Variants in HTRA1 observed in about 807,000 individuals in gnomAD.
HTRA1 encodes HtrA serine peptidase 1.
Under a neutral mutation model 49.7 loss-of-function variants are expected in HTRA1, and 26 were observed. The observed-to-expected ratio is 0.52, with a 90% CI of 0.38 to 0.73. The LOEUF (loss-of-function observed/expected upper bound fraction) is 0.73. Among genes scored for constraint, HTRA1 ranks in the 30% least tolerant of loss-of-function variants. HTRA1 has a pLI of 0.00. For synonymous variants in HTRA1, 291 were observed against 286.9 expected (o/e 1.01, Z -0.14); for missense variants, 561 against 667.2 (o/e 0.84, Z 1.75).
chr10:122,477,120 A>G (rs1262068535), intron 1 of HTRA1, among the ~76,000 whole-genome samples: 7 of 151,920 alleles, frequency 4.6e-5, no homozygotes, highest in Non-Finnish European at 7.4e-5. Flanking sequence ...GGTGCCTGCC[A>G]CCATGCCTGG....
chr10:122,467,747 C>A (rs1408054166), intron 1 of HTRA1, among the ~76,000 whole-genome samples: 1 of 151,980 alleles, frequency 6.6e-6, no homozygotes, highest in Non-Finnish European at 1.5e-5. Flanking sequence ...GTCATTTCAT[C>A]TTTTCCTTCT....
rs1304753475 is a variant in HTRA1, at chr10:122,508,771, G to A, written c.1120+1G>A. ...GAGTCCCATGACCGACAGGCCAAAG[G>A]TAGGCAAGGCCCACACAGCCCTGGG... On this transcript the variant is annotated splice_donor_variant, in intron 6 of 8. Transcript: ENST00000368984. LOFTEE classifies it high-confidence loss of function. The A allele has an allele frequency of 1.3e-6, 2 of 1,581,768 alleles. No individual in the cohort carries two copies. The highest frequency in any genetic ancestry group is 1.7e-6 in the Non-Finnish European group (2 of 1,150,670).
rs1398431517 is a variant in HTRA1 at position 122,487,635 on chromosome 10, T to A, written c.473-1267T>A. 6.6e-6 allele frequency among the ~76,000 whole-genome samples: 1 copy of A among 152,188 alleles called. No individual in the cohort carries two copies. Among genetic ancestry groups the A allele is most frequent in the Non-Finnish European group, 1.5e-5 (1 of 68,032 alleles). On this transcript the variant is annotated intron_variant, in intron 1 of 8. Transcript: ENST00000368984. The surrounding 1 kb of genome is among the most constrained non-coding windows in gnomAD (Gnocchi z 4.8). ...ATCACTGAGCAACAGGGATACGTTC[T>A]GAGAAATGCGTCGTTAGGCGATTTC...
intron 1 of HTRA1, among the ~76,000 whole-genome samples, chr10:122,477,841 C>T (rs1271093569): frequency 3.3e-5 from 5 of 152,202 alleles, no homozygotes; most frequent in African/African-American, 1.2e-4. Flanking sequence ...CCTTAATTTC[C>T]AACCTCTGCA....
At chr10:122,472,615 G>C (rs928658760) in intron 1 of HTRA1, among the ~76,000 whole-genome samples, 7 of 152,022 alleles carry the variant, frequency 4.6e-5, no homozygotes, top group African/African-American at 1.4e-4. Flanking sequence ...GACTGGTCTC[G>C]AACTCCTGGC....
At chr10:122,512,165 T>C in intron 8 of HTRA1, 100 bp downstream of exon 8, 1 of 898,172 alleles carries the variant, frequency 1.1e-6, no homozygotes, top group South Asian at 1.3e-5. Context: ...CTCAGATGAT[T>C]ATGTTGATCC....
At chr10:122,495,095 C>T (rs544303851) in intron 3 of HTRA1, among the ~76,000 whole-genome samples, 5 of 152,224 alleles carry the variant, frequency 3.3e-5, no homozygotes, top group Admixed American at 6.5e-5. Flanking sequence ...CGTCCAAAAG[C>T]GAATCAGAGA....
chr10:122,485,345 T>C (rs1382607024), intron 1 of HTRA1, among the ~76,000 whole-genome samples: 1 of 152,278 alleles, frequency 6.6e-6, no homozygotes, highest in Non-Finnish European at 1.5e-5. Flanking sequence ...CCTTGTCATA[T>C]GGTCTGTGCT....
At position 122,477,112 on chromosome 10, in the gene HTRA1, T is replaced by C. The variant is rs916461866; in HGVS notation, c.473-11790T>C. Among the ~76,000 whole-genome samples, 17 of 151,836 alleles carry C rather than the reference T, an allele frequency of 1.1e-4. 1 individual carries two copies. The South Asian group carries it at 1.2e-3, about 11-fold the overall frequency. On this transcript the variant is annotated intron_variant, in intron 1 of 8. Coordinates refer to ENST00000368984, the MANE Select transcript of HTRA1 (RefSeq NM_002775.5). Reference sequence around the variant, plus strand: ...CCTCCCGAGTAGCTGGGACCACAGGTGCCTGCCACCATGCCTGGCTAATTT... The same window carrying C: ...CCTCCCGAGTAGCTGGGACCACAGGCGCCTGCCACCATGCCTGGCTAATTT...
intron 3 of HTRA1, among the ~76,000 whole-genome samples, chr10:122,503,210 C>T (rs953576663): frequency 6.6e-6 from 1 of 152,224 alleles, no homozygotes; most frequent in East Asian, 1.9e-4. Context: ...GCGCCTGTGG[C>T]TGTGCACTTC....
intron 1 of HTRA1, among the ~76,000 whole-genome samples, chr10:122,480,047 T>C (rs1215479158): frequency 6.6e-6 from 1 of 152,024 alleles, no homozygotes; most frequent in African/African-American, 2.4e-5. Flanking sequence ...GGGCATGATA[T>C]TTAGTGCTTT....
In HTRA1 at chr10:122,512,036, T is replaced by C; in HGVS notation, c.1245T>C (p.Ile415=). ...FPDVISGAYI[I]EVIPDTPAEA... is the part of the protein sequence containing the mutation. ...ACGTGATCTCAGGAGCGTATATAAT[T>C]GAAGTAATTCCTGATACCCCAGCAG... Residue 415 remains isoleucine (I), a synonymous_variant, in exon 8 of 9, where the codon ATT becomes ATC. Transcript: ENST00000368984. 1 of 1,613,504 alleles carries C rather than the reference T, an allele frequency of 6.2e-7. No homozygotes were observed. Among genetic ancestry groups the C allele is most frequent in the East Asian group, 2.2e-5 (1 of 44,866 alleles).
chr10:122,508,110 G>A (rs555856375), intron 5 of HTRA1, among the ~76,000 whole-genome samples: 35 of 152,302 alleles, frequency 2.3e-4, no homozygotes, highest in African/African-American at 8.2e-4. Flanking sequence ...GCACTCCTGG[G>A]AAGTGTGCAC....
At chr10:122,469,106 A>C (rs79519053) in intron 1 of HTRA1, among the ~76,000 whole-genome samples, 1,534 of 152,290 alleles carry the variant, frequency 0.01, 28 homozygotes, top group African/African-American at 0.035. Context: ...ATAATTTCCA[A>C]ATTGAACAAC....
At chr10:122,473,711 C>T (rs1413867487) in intron 1 of HTRA1, among the ~76,000 whole-genome samples, 1 of 152,134 alleles carries the variant, frequency 6.6e-6, no homozygotes, top group South Asian at 2.1e-4. Context: ...TAAAAAGAAA[C>T]CCCGTATCCA....
rs190181824 is a variant in HTRA1 at position 122,467,688 on chromosome 10, T to C, written c.472+5564T>C. Among the ~76,000 whole-genome samples the C allele has an allele frequency of 8.3e-4, 127 of 152,186 alleles. 1 individual carries two copies. In the East Asian group the frequency reaches 0.023, roughly 28 times the overall value. On this transcript the variant is annotated intron_variant, in intron 1 of 8. Coordinates refer to ENST00000368984, the MANE Select transcript of HTRA1 (RefSeq NM_002775.5). ...CACGAGACTCATACCCCTTGCTCCT[T>C]CCCTGGGGCTCCAAGGCCTTTGGGT...
rs2097483140 is a variant in HTRA1, at chr10:122,464,754, G to A, written c.472+2630G>A. Among the ~76,000 whole-genome samples the A allele has an allele frequency of 6.6e-6, 1 of 152,210 alleles. No individual in the cohort carries two copies. The highest frequency in any genetic ancestry group is 1.5e-5 in the Non-Finnish European group (1 of 68,042). ...CAGGCTCCAGGACTCAACAGCTGGTGCCCACGGGCAGGTCACTTGACGTCA... is the reference window on the plus strand; with the variant it reads ...CAGGCTCCAGGACTCAACAGCTGGTACCCACGGGCAGGTCACTTGACGTCA... On this transcript the variant is annotated intron_variant, in intron 1 of 8. Transcript: ENST00000368984. This position sits in a 1 kb window ranked among gnomAD's most constrained non-coding sequence, Gnocchi z 4.8.
Position 122,506,867 on chromosome 10 carries a change from G to A in HTRA1, c.954G>A (p.Gln318=), listed in dbSNP as rs1256071767. The A allele has an allele frequency of 6.2e-7, 1 of 1,613,554 alleles. No individual in the cohort carries two copies. The highest frequency in any genetic ancestry group is 8.5e-7 in the Non-Finnish European group (1 of 1,180,014). Reference sequence around the variant, plus strand: ...GCAACTCAGACATGGACTACATCCAGACCGACGCCATCATCAACGTGAGCC... The same window carrying A: ...GCAACTCAGACATGGACTACATCCAAACCGACGCCATCATCAACGTGAGCC... ...GLRNSDMDYI[Q]TDAIINYGNS... is the part of the protein sequence containing the mutation. The change falls in exon 4 of 9, where the codon CAG becomes CAA. Residue 318 remains glutamine (Q), a synonymous_variant. Transcript: ENST00000368984. The surrounding 1 kb of genome is among the most constrained non-coding windows in gnomAD (Gnocchi z 5.2).
At position 122,494,496 on chromosome 10, in the gene HTRA1, G is replaced by A. The variant is rs2097497597; in HGVS notation, c.777+4870G>A. 6.6e-6 allele frequency among the ~76,000 whole-genome samples: 1 copy of A among 152,246 alleles called. No homozygotes were observed. Among genetic ancestry groups the A allele is most frequent in the African/African-American group, 2.4e-5 (1 of 41,468 alleles). On this transcript the variant is annotated intron_variant, in intron 3 of 8. Transcript: ENST00000368984. This position sits in a 1 kb window ranked among gnomAD's most constrained non-coding sequence, Gnocchi z 4.0. ...CGTGGTCCTGTCAGGGCTACAGCAG[G>A]TCTATGGTCTTTGGTAACGGAAAGC...
Sources: gnomAD v4.1 joint callset for allele counts (sites outside exome capture counted in the v4.1 genomes callset) on GRCh38, gnomAD v4.1.1 for gene constraint, Gnocchi (gnomAD v3.1) non-coding constraint, MANE v1.5 for transcripts, NCBI Gene and HGNC (gene_info 2026-07-23, HGNC 2026-07-21) for gene names.